TMEM236: variants seen among roughly 807,000 people sequenced by gnomAD.
The protein encoded by TMEM236 is transmembrane protein 236, also known as family with sequence similarity 23, member A.
In TMEM236, 11 loss-of-function variants were observed where a neutral mutation model predicts 14.7. The ratio of observed to expected loss-of-function variants is 0.75; its 90% CI spans 0.47 to 1.24. The LOEUF (loss-of-function observed/expected upper bound fraction) is 1.24. Ranked by LOEUF, TMEM236 falls within the 50% of genes most tolerant of loss-of-function variation. The probability of loss-of-function intolerance (pLI) is 0.00; values close to 1 mark genes in which losing one functional copy is unlikely to be tolerated. For synonymous variants in TMEM236, 182 were observed against 168.6 expected (o/e 1.08, Z -0.62); for missense variants, 464 against 427.3 (o/e 1.09, Z -0.76).
rs1448929115 is a variant in TMEM236 at position 17,798,961 on chromosome 10, A to G, written c.*2457A>G. 1 of 314,356 alleles carries G rather than the reference A, an allele frequency of 3.2e-6. No individual in the cohort carries two copies. The highest frequency in any genetic ancestry group is 6.1e-6 in the Non-Finnish European group (1 of 162,668). 19.5% of individuals were successfully genotyped at this position (314,356 alleles called of 1,614,324 possible). A position where few individuals can be genotyped will look rare whatever the true frequency, so the allele number is the denominator to read the frequency against. ...CCCTGCTCACCCTCTGGGAATAATC[A>G]TTTCAACTTTGCATTTGTGAAAAAT... is the stretch of plus-strand genomic sequence containing the variant. On this transcript the variant is annotated 3_prime_UTR_variant, in exon 4 of 4. Coordinates refer to ENST00000377495, the MANE Select transcript of TMEM236 (RefSeq NM_001098844.3).
intron 3 of TMEM236, among the ~76,000 whole-genome samples, chr10:17,787,000 C>A (rs1554835749): frequency 1.3e-5 from 2 of 152,220 alleles, no homozygotes; most frequent in African/African-American, 4.8e-5. Context: ...ATGCCTTTCA[C>A]CCTCTGCCAT....
intron 1 of TMEM236, among the ~76,000 whole-genome samples, chr10:17,753,996 G>T (rs1399471944): frequency 6.6e-6 from 1 of 152,120 alleles, no homozygotes; most frequent in East Asian, 1.9e-4. Flanking sequence ...GGATATTATG[G>T]TATCTTCCTT....
intron 3 of TMEM236, among the ~76,000 whole-genome samples, chr10:17,786,559 T>C (rs1837840329): frequency 6.6e-6 from 1 of 152,220 alleles, no homozygotes; most frequent in Non-Finnish European, 1.5e-5. Context: ...ATTGTGTGTA[T>C]ACTAATAGTA....
chr10:17,795,655 T>A (rs1445731007), intron 3 of TMEM236, among the ~76,000 whole-genome samples: 8 of 152,144 alleles, frequency 5.3e-5, no homozygotes, highest in Non-Finnish European at 8.8e-5. Context: ...AGCATCAGGA[T>A]AAATAGCTAA....
chr10:17,762,525 C>T (rs1837381989), intron 1 of TMEM236, among the ~76,000 whole-genome samples: 1 of 140,516 alleles, frequency 7.1e-6, no homozygotes, highest in Non-Finnish European at 1.5e-5. Flanking sequence ...ATCCATGAGT[C>T]TGCTCTATGG....
chr10:17,792,570 G>A (rs1349385030), intron 3 of TMEM236, among the ~76,000 whole-genome samples: 1 of 152,192 alleles, frequency 6.6e-6, no homozygotes, highest in Non-Finnish European at 1.5e-5. Flanking sequence ...AGTAAAGTAT[G>A]TAACAGTTGC....
intron 2 of TMEM236, among the ~76,000 whole-genome samples, chr10:17,774,203 C>T (rs1837621663): frequency 6.6e-6 from 1 of 152,032 alleles, no homozygotes; most frequent in African/African-American, 2.4e-5. Flanking sequence ...TGCCACCACA[C>T]CCGGCTAATG....
chr10:17,758,782 G>A (rs1837317311), intron 1 of TMEM236, among the ~76,000 whole-genome samples: 3 of 152,152 alleles, frequency 2.0e-5, no homozygotes, highest in Admixed American at 2.0e-4. Context: ...CGATTTTGGA[G>A]AATTTTGTAG....
chr10:17,792,241 A>C (rs906317668), intron 3 of TMEM236, among the ~76,000 whole-genome samples: 1 of 152,120 alleles, frequency 6.6e-6, no homozygotes, highest in Non-Finnish European at 1.5e-5. Flanking sequence ...ACGTGCACCA[A>C]TGTGCCCGGC....
chr10:17,793,635 C>A (rs938657948), intron 3 of TMEM236, among the ~76,000 whole-genome samples: 1 of 152,072 alleles, frequency 6.6e-6, no homozygotes, highest in African/African-American at 2.4e-5. Context: ...AGGTGCCCAC[C>A]ACCACTCCCA....
chr10:17,790,374 T>A (rs1837907058), intron 3 of TMEM236, among the ~76,000 whole-genome samples: 1 of 152,186 alleles, frequency 6.6e-6, no homozygotes, highest in Middle Eastern at 3.4e-3. Context: ...TAGTACAGTA[T>A]CTTAGACATT....
Position 17,796,043 on chromosome 10 carries a change from C to T in TMEM236, c.595C>T (p.Gln199Ter), listed in dbSNP as rs1838007553. Residue 199 changes from glutamine to a stop codon, truncating the protein, a stop_gained, in exon 4 of 4, where the codon CAG becomes TAG. Coordinates refer to ENST00000377495, the MANE Select transcript of TMEM236 (RefSeq NM_001098844.3). LOFTEE classifies it low-confidence loss of function (END_TRUNC). Reference protein sequence around the residue: ...PQATNSTQVSQPSGAMTRSQE... With the variant: ...PQATNSTQVS The stretch of plus-strand genomic sequence containing the variant: ...GGCAACCAACAGCACCCAGGTGTCG[C>T]AGCCATCAGGAGCCATGACACGGAG... The T allele has an allele frequency of 6.8e-6, 11 of 1,613,954 alleles. No individual in the cohort carries two copies. The highest frequency in any genetic ancestry group is 8.5e-6 in the Non-Finnish European group (10 of 1,179,854).
chr10:17,772,800 C>T (rs1472886762), intron 2 of TMEM236, among the ~76,000 whole-genome samples: 1 of 152,074 alleles, frequency 6.6e-6, no homozygotes, highest in Non-Finnish European at 1.5e-5. Context: ...TATCAGAAAC[C>T]CATTGCTTGC....
At chr10:17,765,260 C>G (rs988755166) in intron 1 of TMEM236, among the ~76,000 whole-genome samples, 2 of 152,158 alleles carry the variant, frequency 1.3e-5, no homozygotes, top group Non-Finnish European at 2.9e-5. Flanking sequence ...GGGACTTACA[C>G]ATGTCTGTTT....
intron 1 of TMEM236, 45 bp from the exon 2 acceptor site, chr10:17,771,264 G>A (rs781869415): frequency 6.4e-6 from 10 of 1,569,662 alleles, no homozygotes; most frequent in Admixed American, 3.3e-5. Flanking sequence ...AGGAACTGTC[G>A]ATCTTGTCCA....
At chr10:17,752,678 T>A in intron 1 of TMEM236, 126 bp downstream of exon 1, 4 of 928,846 alleles carry the variant, frequency 4.3e-6, no homozygotes, top group South Asian at 4.2e-5. Flanking sequence ...GTGATTCTCC[T>A]GCCTCAGCCT....
intron 3 of TMEM236, among the ~76,000 whole-genome samples, chr10:17,780,443 G>A (rs1254946657): frequency 2.6e-5 from 4 of 152,154 alleles, no homozygotes; most frequent in Admixed American, 1.3e-4. Flanking sequence ...CAGACATGCT[G>A]TTACAAAGTG....
At chr10:17,760,018 C>T (rs1410817170) in intron 1 of TMEM236, among the ~76,000 whole-genome samples, 1 of 147,256 alleles carries the variant, frequency 6.8e-6, no homozygotes, top group Non-Finnish European at 1.5e-5. Flanking sequence ...AAAAGATTGC[C>T]CCGAGGGAGC....
intron 3 of TMEM236, among the ~76,000 whole-genome samples, chr10:17,794,281 A>G (rs78705678): frequency 0.32 from 48,294 of 152,056 alleles, 8,269 homozygotes; most frequent in East Asian, 0.39. Context: ...AGAGCTATTC[A>G]GTCTAATGGC....
Sources: allele counts gnomAD v4.1 joint callset (sites outside exome capture counted in the v4.1 genomes callset), GRCh38; gene constraint gnomAD v4.1.1; transcripts MANE v1.5; gene names NCBI Gene and HGNC (gene_info 2026-07-23, HGNC 2026-07-21).